Variants in PDE4B observed in about 807,000 individuals in gnomAD.
The protein encoded by PDE4B is phosphodiesterase 4B.
PDE4B carries 20 observed loss-of-function variants against 82.2 expected under a neutral mutation model. That is an observed-to-expected ratio of 0.24 (90% CI 0.17 to 0.35). The LOEUF (loss-of-function observed/expected upper bound fraction) is 0.35, where lower values mean the gene tolerates loss of function less well. PDE4B is among the 10% of genes least tolerant of loss of function. The pLI is 1.00. For missense variants in PDE4B, 655 were observed against 907.2 expected (o/e 0.72, Z 3.57); for synonymous variants, 320 against 318.9 (o/e 1.00, Z -0.04).
chr1:65,959,528 T>G (rs1005959899), intron 3 of PDE4B, among the ~76,000 whole-genome samples: 5 of 151,694 alleles, frequency 3.3e-5, no homozygotes, highest in Non-Finnish European at 4.4e-5. Context: ...GAGGTGAGAG[T>G]GCAAAAATAA....
At chr1:66,189,677 G>C (rs2101466685) in intron 3 of PDE4B, among the ~76,000 whole-genome samples, 1 of 152,266 alleles carries the variant, frequency 6.6e-6, no homozygotes, top group South Asian at 2.1e-4. Context: ...ATGGTTTTCA[G>C]CTCCCTCAGG....
intron 1 of PDE4B, among the ~76,000 whole-genome samples, chr1:65,899,728 G>A (rs1027858247): frequency 8.6e-5 from 13 of 150,668 alleles, no homozygotes; most frequent in African/African-American, 2.9e-4. Context: ...AATGGCATTT[G>A]CAGTGACCTG....
chr1:65,871,147 T>G (rs969630165), intron 1 of PDE4B, among the ~76,000 whole-genome samples: 4 of 152,172 alleles, frequency 2.6e-5, no homozygotes, highest in Non-Finnish European at 2.9e-5. Context: ...ACTTGGCTAT[T>G]AGGGTGAGTC....
intron 1 of PDE4B, among the ~76,000 whole-genome samples, chr1:65,892,061 A>G (rs1365573624): frequency 6.6e-6 from 1 of 152,078 alleles, no homozygotes; most frequent in Admixed American, 6.6e-5. Context: ...AAAATCTTAT[A>G]ATAGGATTTC....
chr1:66,103,692 G>A (rs1360982426), intron 3 of PDE4B, among the ~76,000 whole-genome samples: 1 of 152,042 alleles, frequency 6.6e-6, no homozygotes, highest in Non-Finnish European at 1.5e-5. Context: ...CAGTTGGTGT[G>A]ACAATCATTA....
At chr1:66,147,516 C>T (rs1210862782) in intron 3 of PDE4B, among the ~76,000 whole-genome samples, 1 of 152,192 alleles carries the variant, frequency 6.6e-6, no homozygotes, top group East Asian at 1.9e-4. Context: ...TTAATAAACA[C>T]ACAATTTCAG....
chr1:66,321,783 A>G (rs1183313767), intron 7 of PDE4B, among the ~76,000 whole-genome samples: 1 of 152,238 alleles, frequency 6.6e-6, no homozygotes, highest in African/African-American at 2.4e-5. Context: ...ATTCCCATCA[A>G]GCTACCACTG....
At chr1:65,822,616 G>A (rs1645965646) in intron 1 of PDE4B, among the ~76,000 whole-genome samples, 2 of 152,154 alleles carry the variant, frequency 1.3e-5, no homozygotes, top group African/African-American at 4.8e-5. Context: ...TTGGTCATGA[G>A]GGCTCTGCCG....
At chr1:66,124,915 A>T (rs1036618417) in intron 3 of PDE4B, among the ~76,000 whole-genome samples, 2 of 39,610 alleles carry the variant, frequency 5.0e-5, no homozygotes, top group African/African-American at 1.9e-4. Context: ...GTGTGTGTGT[A>T]TGCGTGTGTG....
intron 1 of PDE4B, among the ~76,000 whole-genome samples, chr1:65,830,797 G>A (rs1221795975): frequency 1.3e-5 from 2 of 152,124 alleles, no homozygotes; most frequent in African/African-American, 4.8e-5. Flanking sequence ...TTTGAGTTAT[G>A]TCTGGAGCTT....
intron 3 of PDE4B, among the ~76,000 whole-genome samples, chr1:66,105,962 A>G (rs1445969280): frequency 1.3e-5 from 2 of 152,066 alleles, no homozygotes; most frequent in Admixed American, 6.6e-5. Context: ...CCTGGCCAGC[A>G]CTTCCAACAC....
intron 3 of PDE4B, among the ~76,000 whole-genome samples, chr1:66,084,214 G>A (rs1656887772): frequency 6.6e-6 from 1 of 152,140 alleles, no homozygotes; most frequent in Admixed American, 6.6e-5. Context: ...GAATGTGACT[G>A]AAAACATACA....
intron 7 of PDE4B, among the ~76,000 whole-genome samples, chr1:66,322,993 A>G (rs917749582): frequency 6.6e-6 from 1 of 152,090 alleles, no homozygotes; most frequent in African/African-American, 2.4e-5. Context: ...CTTGAATACT[A>G]TTTAGCTAAC....
intron 3 of PDE4B, among the ~76,000 whole-genome samples, chr1:66,241,698 T>C (rs1652902068): frequency 6.6e-6 from 1 of 152,100 alleles, no homozygotes; most frequent in Non-Finnish European, 1.5e-5. Flanking sequence ...AAACACAGCA[T>C]TTTTTCATGA....
At chr1:66,290,416 G>A (rs776893137) in intron 7 of PDE4B, among the ~76,000 whole-genome samples, 7 of 152,118 alleles carry the variant, frequency 4.6e-5, no homozygotes, top group Non-Finnish European at 8.8e-5. Context: ...AGGTTTGTAC[G>A]TACACTGTAT....
chr1:65,922,701 A>G (rs1647292766), intron 3 of PDE4B, among the ~76,000 whole-genome samples: 1 of 152,164 alleles, frequency 6.6e-6, no homozygotes, highest in South Asian at 2.1e-4. Context: ...TGAACTGTAC[A>G]TGGCCAGTTC....
intron 3 of PDE4B, among the ~76,000 whole-genome samples, chr1:66,201,084 T>C (rs1443019034): frequency 6.6e-6 from 1 of 152,236 alleles, no homozygotes; most frequent in Non-Finnish European, 1.5e-5. Flanking sequence ...AAAGGCCTTT[T>C]CTGCATCTAT....
At chr1:66,345,730 A>G (rs1661344691) in intron 8 of PDE4B, among the ~76,000 whole-genome samples, 1 of 152,178 alleles carries the variant, frequency 6.6e-6, no homozygotes, top group African/African-American at 2.4e-5. Context: ...GGCAATGGCT[A>G]CATGTAGGGG....
At position 66,363,234 on chromosome 1, in the gene PDE4B, C is replaced by T. The variant is rs773736746; in HGVS notation, c.1087C>T (p.Pro363Ser). Residue 363 changes from proline to serine, a missense_variant, in exon 11 of 17, where the codon CCC (proline) becomes TCC (serine). Physicochemically the swap from Pro to Ser is moderately conservative, Grantham distance 74 (BLOSUM62 -1). Coordinates refer to ENST00000341517, the MANE Select transcript of PDE4B (RefSeq NM_002600.4). ...FNVAGYSHNR[P>S]LTCIMYAIFQ... The stretch of plus-strand genomic sequence containing the variant: ...TGTGGCTGGATATTCTCACAATAGA[C>T]CCCTAACATGCATCATGTATGCTAT... 6.2e-7 allele frequency: 1 copy of T among 1,612,254 alleles called. No homozygotes were observed. Among genetic ancestry groups the T allele is most frequent in the Non-Finnish European group, 8.5e-7 (1 of 1,178,410 alleles).
Sources: allele counts gnomAD v4.1 joint callset (sites outside exome capture counted in the v4.1 genomes callset), GRCh38; gene constraint gnomAD v4.1.1; transcripts MANE v1.5; gene names NCBI Gene and HGNC (gene_info 2026-07-23, HGNC 2026-07-21).